Variants in GLMN observed in about 807,000 individuals in gnomAD.
GLMN encodes glomulin, FKBP associated protein.
In GLMN, 75 loss-of-function variants were observed where a neutral mutation model predicts 87.8. That is an observed-to-expected ratio of 0.85 (90% CI 0.71 to 1.04). GLMN has a LOEUF of 1.04. Among genes scored for constraint, GLMN ranks in the 50% least tolerant of loss-of-function variants. GLMN has a pLI of 0.00. For missense variants in GLMN, 588 were observed against 658.8 expected, an observed-to-expected ratio of 0.89 and a Z score of 1.18; for synonymous variants, 206 against 221.6, an observed-to-expected ratio of 0.93 and a Z score of 0.63.
chr1:92,336,469 CTTTA>C, the GLMN span: 1 of 1,366,216 alleles, frequency 7.3e-7, no homozygotes, highest in Non-Finnish European at 1.0e-6. Flanking sequence ...ATTATTTTGA[CTTTA>C]TTTATTGCCT....
the GLMN span, chr1:92,304,007 G>A: frequency 6.2e-7 from 1 of 1,612,810 alleles, no homozygotes; most frequent in African/African-American, 1.3e-5. Context: ...TCACTACAGT[G>A]ATGTCGTGGA....
intron 7 of GLMN, among the ~76,000 whole-genome samples, chr1:92,275,134 C>T (rs1647195088): frequency 6.6e-6 from 1 of 152,208 alleles, no homozygotes; most frequent in Non-Finnish European, 1.5e-5. Flanking sequence ...CTGACTCATG[C>T]TTCCGTGGTC....
In GLMN at chr1:92,278,059, C is replaced by A. The variant is rs112692274; in HGVS notation, c.736-6407G>T. On this transcript the variant is annotated intron_variant, in intron 7 of 18. Transcript: ENST00000370360. ...AACGTTGGAATTGAATTAGAGGACA[C>A]CCAATTGGTGTCCGTTGTACAACTG... 1.6e-4 allele frequency among the ~76,000 whole-genome samples: 24 copies of A among 152,178 alleles called. 1 individual carries two copies. The highest frequency in any genetic ancestry group is 5.8e-4 in the African/African-American group (24 of 41,506).
intron 7 of GLMN, among the ~76,000 whole-genome samples, chr1:92,275,106 A>T (rs144371768): frequency 1.3e-5 from 2 of 152,354 alleles, no homozygotes; most frequent in South Asian, 2.1e-4. Flanking sequence ...TCCAAGCACC[A>T]TTGAGTGCTC....
rs112947595 is a variant in GLMN, at chr1:92,246,646, C to T, written c.1669G>A (p.Val557Ile). Residue 557 changes from valine (V) to isoleucine (I), a missense_variant and splice_region_variant, in exon 19 of 19, where the codon GTC (valine) becomes ATC (isoleucine). Coordinates refer to ENST00000370360, the MANE Select transcript of GLMN (RefSeq NM_053274.3). ...AATGTGAAAAGAGCTGAATGCAGGA[C>T]CTGCAATGCCAAGAAAAAGTAATGT... The part of the protein sequence containing the change: ...PNMPPEMQLK[V>I]LHSALFTFDL... 6.9e-6 allele frequency: 10 copies of T among 1,455,448 alleles called. No homozygotes were observed. In the African/African-American group the frequency reaches 6.9e-5, roughly 10 times the overall value. The allele number at this position is 1,455,448 out of a possible 1,614,324, so 90.2% of individuals were successfully genotyped here.
At chr1:92,368,825 G>C in the GLMN span, among the ~76,000 whole-genome samples, 1 of 152,136 alleles carries the variant, frequency 6.6e-6, no homozygotes, top group African/African-American at 2.4e-5. Flanking sequence ...GCTAAATAAA[G>C]GTCTTATCAA....
At chr1:92,333,357 A>C in the GLMN span, 6 of 1,507,446 alleles carry the variant, frequency 4.0e-6, no homozygotes, top group African/African-American at 2.7e-5. Flanking sequence ...TAAACTTATG[A>C]TTCTGTTTTG....
chr1:92,270,157 C>G (rs879929989), intron 8 of GLMN, among the ~76,000 whole-genome samples: 1 of 152,218 alleles, frequency 6.6e-6, no homozygotes, highest in Non-Finnish European at 1.5e-5. Flanking sequence ...GGAGAAGATT[C>G]TCCTTCACAA....
the GLMN span, among the ~76,000 whole-genome samples, chr1:92,345,042 T>C: frequency 8.5e-5 from 13 of 152,142 alleles, no homozygotes; most frequent in Non-Finnish European, 1.8e-4. Flanking sequence ...TTTACTTCTG[T>C]TTTTTTAAAA....
chr1:92,344,345 C>T, the GLMN span, among the ~76,000 whole-genome samples: 1 of 152,078 alleles, frequency 6.6e-6, no homozygotes, highest in Non-Finnish European at 1.5e-5. Flanking sequence ...GTGGAGGTTG[C>T]AGTGAGCTGA....
chr1:92,321,242 A>G, the GLMN span, among the ~76,000 whole-genome samples: 1 of 152,206 alleles, frequency 6.6e-6, no homozygotes, highest in Admixed American at 6.5e-5. Flanking sequence ...AGAGTAGTAT[A>G]AAAACATAAT....
the GLMN span, among the ~76,000 whole-genome samples, chr1:92,352,363 C>CAGAT: frequency 6.6e-6 from 1 of 152,198 alleles, no homozygotes; most frequent in African/African-American, 2.4e-5. Flanking sequence ...AACCATCATA[C>CAGAT]AGATAGATAC....
At chr1:92,286,636 G>A (rs1297157104) in intron 6 of GLMN, 44 bp from the exon 7 acceptor site, 2 of 906,326 alleles carry the variant, frequency 2.2e-6, no homozygotes, top group East Asian at 2.4e-5. Context: ...ACACTTCCAA[G>A]TATAAAATCC....
chr1:92,253,132 CA>C (rs1653756119), intron 16 of GLMN, among the ~76,000 whole-genome samples: 1 of 152,100 alleles, frequency 6.6e-6, no homozygotes, highest in Non-Finnish European at 1.5e-5. Context: ...GAGAAAGAAA[CA>C]ACTTACACAA....
At chr1:92,297,651 TGTAAC>T (rs1650272071) in intron 2 of GLMN, 122 bp from the exon 3 acceptor site, 1 of 896,944 alleles carries the variant, frequency 1.1e-6, no homozygotes, top group Non-Finnish European at 1.7e-6. Context: ...TCTAGATAAA[TGTAAC>T]GTAAATAACA....
chr1:92,301,590 T>C (rs542958781), upstream of GLMN: 11 of 1,299,348 alleles, frequency 8.5e-6, no homozygotes, highest in South Asian at 1.5e-4. Flanking sequence ...TAATGGAGTG[T>C]GTATGTGTTA....
intron 5 of GLMN, among the ~76,000 whole-genome samples, chr1:92,289,367 ATAACAGACTATGTG>A (rs1649139964): frequency 6.6e-6 from 1 of 152,214 alleles, no homozygotes; most frequent in Non-Finnish European, 1.5e-5. Flanking sequence ...GGTTATGTTT[ATAACAGACTATGTG>A]TAACAGGCTA....
At position 92,248,105 on chromosome 1, in the gene GLMN, A is replaced by G. The variant is rs1305257611; in HGVS notation, c.1474-116T>C. The G allele has an allele frequency of 1.8e-5, 12 of 667,158 alleles. 1 individual carries two copies. The highest frequency in any genetic ancestry group is 4.8e-5 in the Admixed American group (2 of 42,036). The allele number at this position is 667,158 out of a possible 1,614,324, so 41.3% of individuals were successfully genotyped here. A position where few individuals can be genotyped will look rare whatever the true frequency, so the allele number is the denominator to read the frequency against. Reference sequence around the variant, plus strand: ...TGAAACATGGCCCTTGCTTTTCACAATGGACTTCACTATTTAATAATTATT... The same window carrying G: ...TGAAACATGGCCCTTGCTTTTCACAGTGGACTTCACTATTTAATAATTATT... On this transcript the variant is annotated intron_variant, in intron 16 of 18. Coordinates refer to ENST00000370360, the MANE Select transcript of GLMN (RefSeq NM_053274.3).
At chr1:92,280,729 A>G (rs1165304520) in intron 7 of GLMN, among the ~76,000 whole-genome samples, 2 of 152,216 alleles carry the variant, frequency 1.3e-5, no homozygotes, top group African/African-American at 4.8e-5. Flanking sequence ...AAAAAAGGTA[A>G]GACAAATAGC....
Sources: allele counts gnomAD v4.1 joint callset (sites outside exome capture counted in the v4.1 genomes callset), GRCh38; gene constraint gnomAD v4.1.1; transcripts MANE v1.5; gene names NCBI Gene and HGNC (gene_info 2026-07-23, HGNC 2026-07-21).